Variants in SEMA6B observed in about 807,000 individuals in gnomAD.
The protein encoded by SEMA6B is semaphorin-6B.
SEMA6B carries 47 observed loss-of-function variants against 78.6 expected under a neutral mutation model. The ratio of observed to expected loss-of-function variants is 0.60; its 90% CI spans 0.47 to 0.76. The LOEUF is 0.76. SEMA6B is among the 30% of genes least tolerant of loss of function. The pLI is 0.00. For synonymous variants in SEMA6B, 632 were observed against 592.2 expected (o/e 1.07, Z -0.98); for missense variants, 1,213 against 1,269.9 (o/e 0.96, Z 0.68).
chr19:4,550,022 C>G lies in SEMA6B; in HGVS notation c.1271+101G>C. Reference sequence around the variant, plus strand: ...GTGTCTCCAGCTCTCTGGGCAGCGCCGGAAGCCATGGGCTCATCTGTGTTG... The same window carrying G: ...GTGTCTCCAGCTCTCTGGGCAGCGCGGGAAGCCATGGGCTCATCTGTGTTG... On this transcript the variant is annotated intron_variant, in intron 12 of 16. Transcript: ENST00000586582. This position sits in a 1 kb window ranked among gnomAD's most constrained non-coding sequence, Gnocchi z 6.6. 8.5e-7 allele frequency: 1 copy of G among 1,175,242 alleles called. No individual in the cohort carries two copies. The highest frequency in any genetic ancestry group is 1.2e-6 in the Non-Finnish European group (1 of 824,928). The allele number at this position is 1,175,242 out of a possible 1,614,324, so 72.8% of individuals were successfully genotyped here. A position where few individuals can be genotyped will look rare whatever the true frequency, so the allele number is the denominator to read the frequency against.
rs549288129 is a variant in SEMA6B, at chr19:4,551,426, G to C, written c.990-496C>G. ...GTAGAGATGGGGTTTCACCATGTTG[G>C]CCAGGCTGGTTTCGAACTCCTGACC... On this transcript the variant is annotated intron_variant, in intron 10 of 16. Coordinates refer to ENST00000586582, the MANE Select transcript of SEMA6B (RefSeq NM_032108.4). 2.0e-4 allele frequency among the ~76,000 whole-genome samples: 30 copies of C among 151,768 alleles called. No individual in the cohort carries two copies. In the South Asian group the frequency reaches 5.0e-3, roughly 25 times the overall value.
chr19:4,549,757 C>T (rs910799688), intron 12 of SEMA6B, among the ~76,000 whole-genome samples: 11 of 152,206 alleles, frequency 7.2e-5, no homozygotes, highest in South Asian at 4.1e-4. Context: ...GGATTACAGG[C>T]GTGAGCCACC....
intron 16 of SEMA6B, among the ~76,000 whole-genome samples, chr19:4,545,325 A>G (rs1460680635): frequency 7.2e-6 from 1 of 138,328 alleles, no homozygotes; most frequent in East Asian, 2.5e-4. Flanking sequence ...TGGGTGACAG[A>G]GCAAGACTCT....
chr19:4,555,110 TG>T lies in SEMA6B; in HGVS notation c.563-16del. ...GAGCATCCCGTCTGGATGGGGTGGG[TG>T]GGGAAGGCAGGCAAGAGATGAGACC... On this transcript the variant is annotated splice_polypyrimidine_tract_variant and intron_variant, in intron 7 of 16. Coordinates refer to ENST00000586582, the MANE Select transcript of SEMA6B (RefSeq NM_032108.4). The surrounding 1 kb of genome is among the most constrained non-coding windows in gnomAD (Gnocchi z 6.1). 3 of 1,612,724 alleles carry T rather than the reference TG, an allele frequency of 1.9e-6. No homozygotes were observed. Among genetic ancestry groups the T allele is most frequent in the Non-Finnish European group, 8.5e-7 (1 of 1,179,720 alleles).
At chr19:4,546,588 A>G in intron 14 of SEMA6B, 119 bp from the exon 15 acceptor site, 1 of 480,668 alleles carries the variant, frequency 2.1e-6, no homozygotes. Flanking sequence ...ATTTTAATTA[A>G]TTAATTTTTG....
chr19:4,544,143 TG>T lies in SEMA6B; in HGVS notation c.2124del (p.Thr709ArgfsTer121). 2 of 1,274,772 alleles carry T rather than the reference TG, an allele frequency of 1.6e-6. No homozygotes were observed. The highest frequency in any genetic ancestry group is 2.6e-5 in the South Asian group (1 of 38,504). The allele number at this position is 1,274,772 out of a possible 1,614,324, so 79.0% of individuals were successfully genotyped here. A position where few individuals can be genotyped will look rare whatever the true frequency, so the allele number is the denominator to read the frequency against. ...GPHDLDSGLL[P>X]TPEQTPLPQK... ...TGCGGCAGCGGCGTCTGCTCGGGCGTGGGCAGCAGCCCCGAGTCCAGGTCGT... is the reference window on the plus strand; with the variant it reads ...TGCGGCAGCGGCGTCTGCTCGGGCGTGGCAGCAGCCCCGAGTCCAGGTCGT... On this transcript the variant is annotated frameshift_variant, in exon 17 of 17. Transcript: ENST00000586582. LOFTEE classifies it high-confidence loss of function. This position sits in a 1 kb window ranked among gnomAD's most constrained non-coding sequence, Gnocchi z 5.1.
chr19:4,548,006 T>G (rs1317902204), intron 14 of SEMA6B, 21 bp downstream of exon 14: 4 of 1,521,284 alleles, frequency 2.6e-6, no homozygotes, highest in East Asian at 4.6e-5. Context: ...CGCCCACGGC[T>G]GGCCTGGGGT....
In SEMA6B at chr19:4,550,962, C is replaced by G; in HGVS notation, c.990-32G>C. The G allele has an allele frequency of 6.2e-7, 1 of 1,611,208 alleles. No individual in the cohort carries two copies. Among genetic ancestry groups the G allele is most frequent in the Non-Finnish European group, 8.5e-7 (1 of 1,178,564 alleles). On this transcript the variant is annotated intron_variant, in intron 10 of 16. Coordinates refer to ENST00000586582, the MANE Select transcript of SEMA6B (RefSeq NM_032108.4). This position sits in a 1 kb window ranked among gnomAD's most constrained non-coding sequence, Gnocchi z 6.6. ...GGTTGGGATGAAAGAGTTTGGTGAG[C>G]CCGGTGGGAGGCCCCATCTCGGACA...
rs188095401 is a variant in SEMA6B at position 4,551,805 on chromosome 19, G to T, written c.989+617C>A. On this transcript the variant is annotated intron_variant, in intron 10 of 16. Transcript: ENST00000586582. ...GATCGCGCCACTGCACTCCAGCCTG[G>T]GCAACAAGAGTGAAACTGTCTCAAA... Among the ~76,000 whole-genome samples, 169 of 150,016 alleles carry T rather than the reference G, an allele frequency of 1.1e-3. 1 individual carries two copies. Among genetic ancestry groups the T allele is most frequent in the African/African-American group, 4.1e-3 (166 of 40,926 alleles).
In SEMA6B at chr19:4,555,574, C is replaced by T; in HGVS notation, c.472-10G>A. On this transcript the variant is annotated splice_polypyrimidine_tract_variant and intron_variant, in intron 6 of 16. Coordinates refer to ENST00000586582, the MANE Select transcript of SEMA6B (RefSeq NM_032108.4). This position sits in a 1 kb window ranked among gnomAD's most constrained non-coding sequence, Gnocchi z 6.1. The stretch of plus-strand genomic sequence containing the variant: ...GCTGCAGGGTGTCTATCTGCAGGGA[C>T]CATGGGGCCTGAGTGACAGATCTCC... The T allele has an allele frequency of 6.2e-7, 1 of 1,610,668 alleles. No homozygotes were observed. Among genetic ancestry groups the T allele is most frequent in the Non-Finnish European group, 8.5e-7 (1 of 1,178,072 alleles).
Position 4,544,179 on chromosome 19 carries a change from C to T in SEMA6B, c.2089G>A (p.Gly697Ser), listed in dbSNP as rs1468747398. The change falls in exon 17 of 17, where the codon GGC (glycine) becomes AGC (serine). Residue 697 changes from glycine to serine, a missense_variant. Gly to Ser is a moderately conservative substitution (Grantham distance 56, BLOSUM62 0). Transcript: ENST00000586582. The surrounding 1 kb of genome is among the most constrained non-coding windows in gnomAD (Gnocchi z 5.1). ...CCCGAGTCCAGGTCGTGGGGCCCGCCCTGCAGCAGCGTGGCCTTGGCCCAG... is the reference window on the plus strand; with the variant it reads ...CCCGAGTCCAGGTCGTGGGGCCCGCTCTGCAGCAGCGTGGCCTTGGCCCAG... ...NGWAKATLLQ[G>S]GPHDLDSGLL... The T allele has an allele frequency of 1.6e-6, 2 of 1,268,262 alleles. No individual in the cohort carries two copies. The highest frequency in any genetic ancestry group is 1.6e-5 in the African/African-American group (1 of 64,184). 78.6% of individuals were successfully genotyped at this position (1,268,262 alleles called of 1,614,324 possible).
chr19:4,555,443 C>A lies in SEMA6B; in HGVS notation c.562+31G>T. ...TGCCAGGTCTTGCCTGTGGCTGGGG[C>A]TGATCAGATGGAGGTTGGGGGGGTA... On this transcript the variant is annotated intron_variant, in intron 7 of 16. Coordinates refer to ENST00000586582, the MANE Select transcript of SEMA6B (RefSeq NM_032108.4). The surrounding 1 kb of genome is among the most constrained non-coding windows in gnomAD (Gnocchi z 6.1). 1 of 1,583,710 alleles carries A rather than the reference C, an allele frequency of 6.3e-7. No homozygotes were observed. The highest frequency in any genetic ancestry group is 8.6e-7 in the Non-Finnish European group (1 of 1,159,504).
At position 4,544,178 on chromosome 19, in the gene SEMA6B, C is replaced by T; in HGVS notation, c.2090G>A (p.Gly697Asp). 2 of 1,269,610 alleles carry T rather than the reference C, an allele frequency of 1.6e-6. No homozygotes were observed. Among genetic ancestry groups the T allele is most frequent in the Non-Finnish European group, 2.0e-6 (2 of 1,009,692 alleles). 78.6% of individuals were successfully genotyped at this position (1,269,610 alleles called of 1,614,324 possible). A position where few individuals can be genotyped will look rare whatever the true frequency, so the allele number is the denominator to read the frequency against. ...CCCCGAGTCCAGGTCGTGGGGCCCG[C>T]CCTGCAGCAGCGTGGCCTTGGCCCA... is the stretch of plus-strand genomic sequence containing the variant. Reference protein sequence around the residue: ...NGWAKATLLQGGPHDLDSGLL... With the variant: ...NGWAKATLLQDGPHDLDSGLL... The change falls in exon 17 of 17, where the codon GGC becomes GAC. Residue 697 changes from glycine to aspartate, a missense_variant. Physicochemically the swap from Gly to Asp is moderately conservative, Grantham distance 94. Coordinates refer to ENST00000586582, the MANE Select transcript of SEMA6B (RefSeq NM_032108.4). This position sits in a 1 kb window ranked among gnomAD's most constrained non-coding sequence, Gnocchi z 5.1.
In SEMA6B at chr19:4,544,640, T is replaced by G; in HGVS notation, c.1739-111A>C. The G allele has an allele frequency of 1.7e-6, 1 of 591,626 alleles. No homozygotes were observed. The highest frequency in any genetic ancestry group is 2.5e-6 in the Non-Finnish European group (1 of 400,434). 36.6% of individuals were successfully genotyped at this position (591,626 alleles called of 1,614,324 possible). A position where few individuals can be genotyped will look rare whatever the true frequency, so the allele number is the denominator to read the frequency against. ...TTTTTATTATTTTTATTTTTTTTTA[T>G]TTATTTATTTTTTGAGAAGGAGTCT... On this transcript the variant is annotated intron_variant, in intron 16 of 16. Transcript: ENST00000586582. The surrounding 1 kb of genome is among the most constrained non-coding windows in gnomAD (Gnocchi z 5.1).
chr19:4,547,925 T>C (rs1171396775), intron 14 of SEMA6B, 102 bp downstream of exon 14: 8 of 1,381,132 alleles, frequency 5.8e-6, no homozygotes, highest in Non-Finnish European at 7.6e-6. Flanking sequence ...CCCAGCTCAA[T>C]GACCAGGACA....
At position 4,558,044 on chromosome 19, in the gene SEMA6B, G is replaced by T; in HGVS notation, c.227C>A (p.Thr76Lys). The T allele has an allele frequency of 6.7e-7, 1 of 1,497,442 alleles. No individual in the cohort carries two copies. Among genetic ancestry groups the T allele is most frequent in the Admixed American group, 2.0e-5 (1 of 49,434 alleles). The allele number at this position is 1,497,442 out of a possible 1,614,324, so 92.8% of individuals were successfully genotyped here. A position where few individuals can be genotyped will look rare whatever the true frequency, so the allele number is the denominator to read the frequency against. Residue 76 changes from threonine to lysine, a missense_variant, in exon 3 of 17, where the codon ACG (threonine) becomes AAG (lysine). Physicochemically the swap from Thr to Lys is moderately conservative, Grantham distance 78. Coordinates refer to ENST00000586582, the MANE Select transcript of SEMA6B (RefSeq NM_032108.4). The surrounding 1 kb of genome is among the most constrained non-coding windows in gnomAD (Gnocchi z 5.1). The part of the protein sequence containing the change: ...NIQRVLRVNR[T>K]LFIGDRDNLY... ...GCAATACCTGTCCCCAATGAACAGCGTCCTGTTGACCCGCAGGACTCGCTG... is the reference window on the plus strand; with the variant it reads ...GCAATACCTGTCCCCAATGAACAGCTTCCTGTTGACCCGCAGGACTCGCTG...
In SEMA6B at chr19:4,554,954, C is replaced by T. The variant is rs1163522437; in HGVS notation, c.682+22G>A. ...GTTCTGGGCCCTGCCAGGTCTGGGC[C>T]CACTGCCCTTCCTGGTCTCACCTTT... is the stretch of plus-strand genomic sequence containing the variant. On this transcript the variant is annotated intron_variant, in intron 8 of 16. Transcript: ENST00000586582. 1.9e-6 allele frequency: 3 copies of T among 1,611,226 alleles called. No homozygotes were observed. In the African/African-American group the frequency reaches 4.0e-5, roughly 22 times the overall value.
intron 10 of SEMA6B, 150 bp from the exon 11 acceptor site, chr19:4,551,080 G>T: frequency 1.2e-6 from 1 of 858,592 alleles, no homozygotes; most frequent in Non-Finnish European, 1.8e-6. Context: ...TCTGTCGAAT[G>T]CAGCCACTCC....
chr19:4,551,842 A>T (rs1977342640), intron 10 of SEMA6B, among the ~76,000 whole-genome samples: 1 of 150,880 alleles, frequency 6.6e-6, no homozygotes, highest in East Asian at 2.0e-4. Context: ...AAAAAACCAA[A>T]CCAAACAAAC....
Sources: allele counts gnomAD v4.1 joint callset (sites outside exome capture counted in the v4.1 genomes callset), GRCh38; gene constraint gnomAD v4.1.1; non-coding constraint Gnocchi (gnomAD v3.1); transcripts MANE v1.5; gene names NCBI Gene and HGNC (gene_info 2026-07-23, HGNC 2026-07-21).